ASXL2: variants seen among roughly 807,000 people sequenced by gnomAD.
ASXL2 encodes putative Polycomb group protein ASXL2.
In ASXL2, 23 loss-of-function variants were observed where a neutral mutation model predicts 122.0. The observed-to-expected ratio is 0.19, with a 90% CI of 0.14 to 0.27. The LOEUF (loss-of-function observed/expected upper bound fraction) is 0.27. ASXL2 is among the 10% of genes least tolerant of loss of function. The probability of loss-of-function intolerance (pLI) is 1.00; values close to 1 mark genes in which losing one functional copy is unlikely to be tolerated. For synonymous variants in ASXL2, 650 were observed against 637.0 expected (o/e 1.02, Z -0.31); for missense variants, 1,518 against 1,713.8 (o/e 0.89, Z 2.02).
intron 5 of ASXL2, among the ~76,000 whole-genome samples, chr2:25,789,154 A>T: frequency 6.6e-6 from 1 of 152,000 alleles, no homozygotes; most frequent in East Asian, 1.9e-4. Context: ...CTGACTTTTT[A>T]AAAAATATAT....
intron 3 of ASXL2, among the ~76,000 whole-genome samples, chr2:25,828,698 A>G (rs780783394): frequency 2.0e-5 from 3 of 149,254 alleles, no homozygotes; most frequent in Non-Finnish European, 4.5e-5. Context: ...GGTGGCAGGC[A>G]CCTGTAATCC....
chr2:25,771,799 T>C (rs1055684253), intron 5 of ASXL2, among the ~76,000 whole-genome samples: 2 of 152,224 alleles, frequency 1.3e-5, no homozygotes, highest in Non-Finnish European at 2.9e-5. Context: ...TTCAATAGAA[T>C]TGACTGAAGA....
intron 1 of ASXL2, among the ~76,000 whole-genome samples, chr2:25,853,036 T>C (rs772586715): frequency 1.3e-5 from 2 of 152,176 alleles, no homozygotes; most frequent in Non-Finnish European, 2.9e-5. Flanking sequence ...TCAAATGAAG[T>C]TGCACTGAAC....
In ASXL2 at chr2:25,750,126, ATGC is replaced by A. The variant is rs2088018724; in HGVS notation, c.1427_1429del (p.Ser476del). On this transcript the variant is annotated inframe_deletion, in exon 12 of 13. Transcript: ENST00000435504. ...ATCCTTTGGGCACTTGATGGGAAGA[ATGC>A]TGCTAAGCTCATGTGTATTGAGAGC... 6.2e-7 allele frequency: 1 copy of A among 1,614,002 alleles called. No homozygotes were observed. Among genetic ancestry groups the A allele is most frequent in the East Asian group, 2.2e-5 (1 of 44,892 alleles).
At chr2:25,870,176 A>C (rs2149203772) in intron 1 of ASXL2, among the ~76,000 whole-genome samples, 1 of 152,328 alleles carries the variant, frequency 6.6e-6, no homozygotes, top group African/African-American at 2.4e-5. Context: ...GATGTAATAC[A>C]GCCTGGGTGG....
intron 1 of ASXL2, among the ~76,000 whole-genome samples, chr2:25,873,017 G>A (rs2089975032): frequency 6.6e-6 from 1 of 151,946 alleles, no homozygotes; most frequent in African/African-American, 2.4e-5. Flanking sequence ...GGTGATTTCT[G>A]AGATTTTGGT....
chr2:25,752,217 G>T (rs2088058109), intron 11 of ASXL2, among the ~76,000 whole-genome samples: 1 of 152,184 alleles, frequency 6.6e-6, no homozygotes, highest in African/African-American at 2.4e-5. Context: ...CCATTGGTGT[G>T]CAGAAGGAAG....
At chr2:25,747,475 G>A (rs1032100777) in intron 12 of ASXL2, among the ~76,000 whole-genome samples, 1 of 152,146 alleles carries the variant, frequency 6.6e-6, no homozygotes, top group African/African-American at 2.4e-5. Flanking sequence ...CACTTCTGGA[G>A]AAGTCTTTTT....
rs150633831 is a variant in ASXL2 at position 25,840,669 on chromosome 2, T to C, written c.140+4812A>G. ...TTCACTTAGCATAATGTTTTCAAGGTTCATCCATACTGTAGCATGTATCAG... is the reference window on the plus strand; with the variant it reads ...TTCACTTAGCATAATGTTTTCAAGGCTCATCCATACTGTAGCATGTATCAG... On this transcript the variant is annotated intron_variant, in intron 2 of 12. Coordinates refer to ENST00000435504, the MANE Select transcript of ASXL2 (RefSeq NM_018263.6). Among the ~76,000 whole-genome samples, 62 of 152,374 alleles carry C rather than the reference T, an allele frequency of 4.1e-4. No homozygotes were observed. The East Asian group carries it at 8.5e-3, about 21-fold the overall frequency.
At chr2:25,803,498 G>T (rs531136942) in intron 4 of ASXL2, among the ~76,000 whole-genome samples, 1 of 152,310 alleles carries the variant, frequency 6.6e-6, no homozygotes, top group South Asian at 2.1e-4. Context: ...TGTGGAATCT[G>T]ACACTGTCTC....
chr2:25,838,839 A>G (rs997536837), intron 2 of ASXL2, among the ~76,000 whole-genome samples: 1 of 152,234 alleles, frequency 6.6e-6, no homozygotes. Flanking sequence ...ACTGAAGTAT[A>G]CCGTCAAAAT....
chr2:25,830,791 TAAG>T (rs983798891), intron 3 of ASXL2: 15 of 151,762 alleles, frequency 9.9e-5, no homozygotes, highest in African/African-American at 3.6e-4. Context: ...AAAAATACAT[TAAG>T]AAATTTAAAA....
chr2:25,808,669 G>T (rs559879343), intron 3 of ASXL2, among the ~76,000 whole-genome samples: 24 of 152,266 alleles, frequency 1.6e-4, no homozygotes, highest in African/African-American at 5.5e-4. Flanking sequence ...CCTGTATCAA[G>T]CCTTTTTTGT....
At chr2:25,811,507 A>C (rs1038996616) in intron 3 of ASXL2, among the ~76,000 whole-genome samples, 7 of 152,202 alleles carry the variant, frequency 4.6e-5, no homozygotes, top group Admixed American at 1.3e-4. Context: ...TTAGGAAAAC[A>C]AATAGCTCAT....
At chr2:25,755,029 A>C (rs951441873) in intron 10 of ASXL2, among the ~76,000 whole-genome samples, 23 of 152,346 alleles carry the variant, frequency 1.5e-4, no homozygotes, top group South Asian at 6.2e-4. Flanking sequence ...ATAAACAATG[A>C]AGAGCATTCC....
chr2:25,822,783 TG>T, intron 3 of ASXL2: 1 of 576,556 alleles, frequency 1.7e-6, no homozygotes, highest in Non-Finnish European at 3.4e-6. Flanking sequence ...CTTCAGTAAT[TG>T]GAAACACTGG....
At chr2:25,748,588 G>C (rs149601304) in intron 12 of ASXL2, among the ~76,000 whole-genome samples, 1 of 151,822 alleles carries the variant, frequency 6.6e-6, no homozygotes, top group Admixed American at 6.6e-5. Context: ...AACTAATTTT[G>C]GTTCACCTCA....
intron 1 of ASXL2, among the ~76,000 whole-genome samples, chr2:25,847,603 C>T (rs894595636): frequency 6.6e-6 from 1 of 152,120 alleles, no homozygotes; most frequent in African/African-American, 2.4e-5. Context: ...AGTTAAGGCC[C>T]ATACAGAAAA....
At position 25,776,153 on chromosome 2, in the gene ASXL2, G is replaced by A. The variant is rs147041346; in HGVS notation, c.404-4613C>T. On this transcript the variant is annotated intron_variant, in intron 5 of 12. Transcript: ENST00000435504. The stretch of plus-strand genomic sequence containing the variant: ...TCAAAAAACACCATACATGTTAACC[G>A]TTACTCATCTTTTACCCCATCTATG... 2.4e-3 allele frequency among the ~76,000 whole-genome samples: 367 copies of A among 152,156 alleles called. 2 individuals are homozygous for A. Among genetic ancestry groups the A allele is most frequent in the African/African-American group, 8.4e-3 (348 of 41,522 alleles).
Sources: gnomAD v4.1 joint callset for allele counts (sites outside exome capture counted in the v4.1 genomes callset) on GRCh38, gnomAD v4.1.1 for gene constraint, MANE v1.5 for transcripts, NCBI Gene and HGNC (gene_info 2026-07-23, HGNC 2026-07-21) for gene names.